CCNH: variants seen among roughly 807,000 people sequenced by gnomAD.
The protein encoded by CCNH is cyclin-H.
In CCNH, 31 loss-of-function variants were observed where a neutral mutation model predicts 41.9. That is an observed-to-expected ratio of 0.74 (90% CI 0.56 to 1.00). The LOEUF (loss-of-function observed/expected upper bound fraction) is 1.00, where lower values mean the gene tolerates loss of function less well. Ranked by LOEUF, CCNH falls within the 50% of genes least tolerant of loss-of-function variation. The pLI, the probability that CCNH is intolerant of heterozygous loss-of-function variation, is 0.00. For missense variants in CCNH, 362 were observed against 388.4 expected (o/e 0.93, Z 0.57); for synonymous variants, 138 against 136.1 (o/e 1.01, Z -0.10).
At chr5:87,363,771 T>G (rs187176317) in intron 9 of CCNH, among the ~76,000 whole-genome samples, 23 of 152,248 alleles carry the variant, frequency 1.5e-4, no homozygotes, top group Admixed American at 5.9e-4. Flanking sequence ...TTGAGTGACT[T>G]ACTTTGAGTC....
At chr5:87,314,087 C>T (rs974704329), downstream of CCNH, among the ~76,000 whole-genome samples, 7 of 152,150 alleles carry the variant, frequency 4.6e-5, no homozygotes, top group Non-Finnish European at 1.0e-4. Context: ...GCAGGAGAAT[C>T]GCTTGAACCC....
intron 9 of CCNH, among the ~76,000 whole-genome samples, chr5:87,368,562 G>C (rs569796982): frequency 2.0e-5 from 3 of 152,254 alleles, no homozygotes; most frequent in South Asian, 4.1e-4. Flanking sequence ...TCTTACGGAT[G>C]GTATAGGGTT....
downstream of CCNH, among the ~76,000 whole-genome samples, chr5:87,314,189 A>G (rs1337834414): frequency 6.6e-6 from 1 of 152,174 alleles, no homozygotes; most frequent in Non-Finnish European, 1.5e-5. Flanking sequence ...GATAAAAAAT[A>G]AAAAATAAAA....
At chr5:87,382,861 T>G (rs540253510) in intron 9 of CCNH, among the ~76,000 whole-genome samples, 1 of 152,128 alleles carries the variant, frequency 6.6e-6, no homozygotes, top group South Asian at 2.1e-4. Flanking sequence ...ACAGGAGGAT[T>G]GCTTGAGGCC....
downstream of CCNH, among the ~76,000 whole-genome samples, chr5:87,371,569 T>C (rs557282904): frequency 6.6e-6 from 1 of 152,304 alleles, no homozygotes; most frequent in African/African-American, 2.4e-5. Flanking sequence ...TTTTAAAATC[T>C]AATGTTATAT....
At chr5:87,374,380 G>GT (rs1268973961), downstream of CCNH, 30 of 1,478,202 alleles carry the variant, frequency 2.0e-5, 1 homozygote, top group African/African-American at 4.3e-5. Flanking sequence ...ATTTCTTTCT[G>GT]TTTTTTTGGT....
downstream of CCNH, chr5:87,372,154 C>T (rs770599456): frequency 3.7e-5 from 60 of 1,613,450 alleles, 2 homozygotes; most frequent in Admixed American, 1.3e-4. Context: ...TTGCAATTTA[C>T]GGAAAAGTAG....
downstream of CCNH, chr5:87,390,721 T>C (rs1762452024): frequency 8.3e-7 from 1 of 1,205,974 alleles, no homozygotes; most frequent in African/African-American, 1.5e-5. Context: ...TTGATACAGT[T>C]TTTTTCAAAT....
chr5:87,354,745 T>G (rs1454651309), intron 9 of CCNH, among the ~76,000 whole-genome samples: 1 of 152,196 alleles, frequency 6.6e-6, no homozygotes, highest in African/African-American at 2.4e-5. Context: ...AAGCTAGGTC[T>G]CTTGCACCAA....
intron 9 of CCNH, chr5:87,383,678 TAAAAA>T: frequency 1.5e-6 from 2 of 1,319,614 alleles, no homozygotes; most frequent in African/African-American, 1.6e-5. Context: ...AGGTGTTTTC[TAAAAA>T]AAAAAAAAAA....
intron 9 of CCNH, among the ~76,000 whole-genome samples, chr5:87,320,174 A>G (rs949154652): frequency 6.6e-6 from 1 of 152,106 alleles, no homozygotes; most frequent in Non-Finnish European, 1.5e-5. Flanking sequence ...TGTCCATATC[A>G]CTGTCAGCAT....
At chr5:87,374,777 A>G (rs1761207011), downstream of CCNH, 4 of 1,595,366 alleles carry the variant, frequency 2.5e-6, no homozygotes, top group South Asian at 4.5e-5. Flanking sequence ...TACTAGAACT[A>G]AAGAAATAAG....
chr5:87,374,459 A>ATATT (rs1342092258), downstream of CCNH: 83 of 167,788 alleles, frequency 4.9e-4, 1 homozygote, highest in African/African-American at 2.3e-3. Context: ...ATATATATAT[A>ATATT]TTTTTTTTTT....
chr5:87,373,418 G>A (rs191868844), downstream of CCNH, among the ~76,000 whole-genome samples: 18 of 152,182 alleles, frequency 1.2e-4, no homozygotes, highest in African/African-American at 3.4e-4. Context: ...CTTGGGCTTC[G>A]TTAGCTGCCA....
At chr5:87,339,140 G>A (rs1220336662) in intron 9 of CCNH, among the ~76,000 whole-genome samples, 1 of 152,106 alleles carries the variant, frequency 6.6e-6, no homozygotes, top group African/African-American at 2.4e-5. Context: ...ATATTCTGAA[G>A]AGTATTGCTC....
intron 9 of CCNH, among the ~76,000 whole-genome samples, chr5:87,337,051 A>T (rs911069552): frequency 6.6e-6 from 1 of 152,056 alleles, no homozygotes; most frequent in Admixed American, 6.5e-5. Flanking sequence ...TTGATTTGTG[A>T]ATATTAAGAT....
chr5:87,386,766 C>T, downstream of CCNH: 1 of 1,456,588 alleles, frequency 6.9e-7, no homozygotes, highest in East Asian at 2.3e-5. Context: ...TTGCACCAAC[C>T]TAATAGATCA....
chr5:87,333,623 T>C (rs1462236400), intron 9 of CCNH, among the ~76,000 whole-genome samples: 1 of 152,222 alleles, frequency 6.6e-6, no homozygotes, highest in Admixed American at 6.5e-5. Flanking sequence ...CTATATGCTA[T>C]GTAAATTTTT....
chr5:87,325,684 G>T lies in CCNH; in HGVS notation c.*91-6787C>A, dbSNP rs190304948. Among the ~76,000 whole-genome samples the T allele has an allele frequency of 1.6e-3, 241 of 152,296 alleles. 3 individuals are homozygous for T. Among genetic ancestry groups the T allele is most frequent in the Admixed American group, 7.0e-3 (107 of 15,300 alleles). On this transcript the variant is annotated intron_variant and NMD_transcript_variant, in intron 9 of 9. Transcript: ENST00000645953. The stretch of plus-strand genomic sequence containing the variant: ...ACCAAGTGGAAAGTAAAAGTAATCT[G>T]CTGGTAACTTCAATTTAGTTTTCTT...
Sources: gnomAD v4.1 joint callset for allele counts (sites outside exome capture counted in the v4.1 genomes callset) on GRCh38, gnomAD v4.1.1 for gene constraint, MANE v1.5 for transcripts, NCBI Gene and HGNC (gene_info 2026-07-23, HGNC 2026-07-21) for gene names.